Variants in OPCML observed in about 807,000 individuals in gnomAD.
OPCML encodes opioid-binding protein/cell adhesion molecule.
OPCML carries 13 observed loss-of-function variants against 37.8 expected under a neutral mutation model. The observed-to-expected ratio is 0.34, with a 90% confidence interval of 0.22 to 0.55. OPCML has a LOEUF of 0.55. Ranked by LOEUF, OPCML falls within the 20% of genes least tolerant of loss-of-function variation. The pLI is 0.91. For synonymous variants in OPCML, 176 were observed against 168.8 expected, an observed-to-expected ratio of 1.04 and a Z score of -0.33; for missense variants, 341 against 435.6, an observed-to-expected ratio of 0.78 and a Z score of 1.93.
chr11:132,691,521 T>C (rs1048092692), intron 2 of OPCML, among the ~76,000 whole-genome samples: 2 of 152,240 alleles, frequency 1.3e-5, no homozygotes, highest in African/African-American at 4.8e-5. Context: ...GGCTTATATG[T>C]CATGCATTTT....
At chr11:133,410,788 G>A (rs973295765) in intron 1 of OPCML, among the ~76,000 whole-genome samples, 5 of 151,882 alleles carry the variant, frequency 3.3e-5, no homozygotes, top group African/African-American at 4.8e-5. Flanking sequence ...AAAGCAGAAC[G>A]GCATCACTTG....
chr11:133,190,280 T>G (rs1010847975), intron 1 of OPCML, among the ~76,000 whole-genome samples: 3 of 152,148 alleles, frequency 2.0e-5, no homozygotes, highest in African/African-American at 2.4e-5. Context: ...TATGTGCAAG[T>G]ATAATTGTAG....
intron 2 of OPCML, among the ~76,000 whole-genome samples, chr11:132,829,133 A>C (rs1246288611): frequency 1.3e-5 from 2 of 152,204 alleles, no homozygotes; most frequent in Non-Finnish European, 2.9e-5. Context: ...CTAGTATTAG[A>C]AGAATCCAGA....
At chr11:133,373,165 A>T (rs966041805) in intron 1 of OPCML, among the ~76,000 whole-genome samples, 1 of 152,060 alleles carries the variant, frequency 6.6e-6, no homozygotes, top group African/African-American at 2.4e-5. Flanking sequence ...TGAACCCTCA[A>T]TCCAAACACT....
At chr11:132,497,284 G>A (rs2096234322) in intron 4 of OPCML, among the ~76,000 whole-genome samples, 1 of 152,000 alleles carries the variant, frequency 6.6e-6, no homozygotes, top group African/African-American at 2.4e-5. Context: ...AGGAAGAATA[G>A]CTAATGGATG....
At chr11:132,714,455 C>A (rs1444218260) in intron 2 of OPCML, among the ~76,000 whole-genome samples, 1 of 152,208 alleles carries the variant, frequency 6.6e-6, no homozygotes, top group African/African-American at 2.4e-5. Flanking sequence ...TTCAAAAGCA[C>A]ATCTTCTTCT....
At chr11:132,937,718 G>A (rs1460003075) in intron 2 of OPCML, among the ~76,000 whole-genome samples, 1 of 151,774 alleles carries the variant, frequency 6.6e-6, no homozygotes, top group Non-Finnish European at 1.5e-5. Flanking sequence ...TCCCAGGCCT[G>A]CCAGATCCGG....
intron 4 of OPCML, among the ~76,000 whole-genome samples, chr11:132,512,721 A>C (rs1216355823): frequency 6.6e-6 from 1 of 151,644 alleles, no homozygotes; most frequent in African/African-American, 2.4e-5. Context: ...TACATATAGA[A>C]TGCATATACA....
chr11:132,600,839 C>CTTTTTTTTTTTTTT (rs145586468), intron 3 of OPCML, among the ~76,000 whole-genome samples: 1 of 94,534 alleles, frequency 1.1e-5, no homozygotes, highest in Non-Finnish European at 1.9e-5. Flanking sequence ...AAATAGTTAA[C>CTTTTTTTTTTTTTT]TTTTTTTTTT....
intron 1 of OPCML, among the ~76,000 whole-genome samples, chr11:133,434,798 GTATA>G (rs57835682): frequency 0.018 from 2,284 of 128,948 alleles, 57 homozygotes; most frequent in African/African-American, 0.056. Flanking sequence ...TTATATATAT[GTATA>G]TATATATATA....
At chr11:132,839,436 C>G (rs563966258) in intron 2 of OPCML, among the ~76,000 whole-genome samples, 1 of 152,308 alleles carries the variant, frequency 6.6e-6, no homozygotes, top group Admixed American at 6.5e-5. Context: ...ATATGGGAGG[C>G]GCTTGGCTGC....
At chr11:133,017,864 C>T (rs1947363606) in intron 1 of OPCML, among the ~76,000 whole-genome samples, 2 of 152,310 alleles carry the variant, frequency 1.3e-5, no homozygotes, top group African/African-American at 4.8e-5. Flanking sequence ...CAGTCGTTTT[C>T]AATGTCAGTC....
chr11:133,141,105 A>G lies in OPCML; in HGVS notation c.62-198095T>C, dbSNP rs189023713. On this transcript the variant is annotated intron_variant, in intron 1 of 7. Coordinates refer to ENST00000524381, the MANE Select transcript of OPCML (RefSeq NM_001012393.5). ...AAGAAGAAGAAGAAGGAGAAGAAGA[A>G]GCAGCTGAATGCCAAAGTGTGTGGA... 1.5e-5 allele frequency among the ~76,000 whole-genome samples: 2 copies of G among 130,236 alleles called. 1 individual carries two copies. The highest frequency in any genetic ancestry group is 5.7e-5 in the African/African-American group (2 of 34,818). 85.4% of individuals were successfully genotyped at this position (130,236 alleles called of 152,430 possible).
chr11:132,731,442 TG>T (rs1425756292), intron 2 of OPCML, among the ~76,000 whole-genome samples: 8 of 152,218 alleles, frequency 5.3e-5, no homozygotes, highest in Non-Finnish European at 1.0e-4. Context: ...GACAAAGAAA[TG>T]TGCCACAGTG....
chr11:132,705,389 A>G (rs1943992212), intron 2 of OPCML, among the ~76,000 whole-genome samples: 1 of 151,898 alleles, frequency 6.6e-6, no homozygotes, highest in Non-Finnish European at 1.5e-5. Context: ...TCAGGAGTTC[A>G]AGACCAGTCT....
chr11:132,997,948 T>C (rs747344464), intron 1 of OPCML, among the ~76,000 whole-genome samples: 4 of 152,062 alleles, frequency 2.6e-5, no homozygotes, highest in South Asian at 2.1e-4. Context: ...TCACAGGAGG[T>C]TCACATCCTG....
intron 1 of OPCML, among the ~76,000 whole-genome samples, chr11:133,109,845 A>C (rs1213209627): frequency 6.6e-6 from 1 of 152,344 alleles, no homozygotes; most frequent in Non-Finnish European, 1.5e-5. Flanking sequence ...ATTTAAATTT[A>C]TCTCATCCAA....
intron 1 of OPCML, chr11:133,006,373 T>C (rs190050977): frequency 1.4e-5 from 13 of 899,548 alleles, no homozygotes; most frequent in African/African-American, 1.8e-5. Flanking sequence ...AATCCTGAAT[T>C]TTCTTGGCCA....
intron 1 of OPCML, among the ~76,000 whole-genome samples, chr11:133,252,442 G>C (rs947649880): frequency 1.3e-5 from 2 of 152,114 alleles, no homozygotes; most frequent in East Asian, 3.9e-4. Context: ...GTTGCTTGGC[G>C]TTCTTGTAAA....
Sources: gnomAD v4.1 joint callset for allele counts (sites outside exome capture counted in the v4.1 genomes callset) on GRCh38, gnomAD v4.1.1 for gene constraint, MANE v1.5 for transcripts, NCBI Gene and HGNC (gene_info 2026-07-23, HGNC 2026-07-21) for gene names.